Variants in CYS1 observed in about 807,000 individuals in gnomAD.
CYS1 encodes cystin-1.
In CYS1, 5 loss-of-function variants were observed where a neutral mutation model predicts 9.6. The observed-to-expected ratio is 0.52, with a 90% CI of 0.27 to 1.10. The LOEUF is 1.10. CYS1 is among the 50% of genes least tolerant of loss of function. CYS1 has a pLI of 0.11. For missense variants in CYS1, 221 were observed against 207.9 expected (o/e 1.06, Z -0.39); for synonymous variants, 88 against 95.7 (o/e 0.92, Z 0.47).
chr2:10,065,656 C>G (rs1250132912), intron 2 of CYS1, among the ~76,000 whole-genome samples: 1 of 152,202 alleles, frequency 6.6e-6, no homozygotes, highest in Non-Finnish European at 1.5e-5. Flanking sequence ...TTGGGCATGC[C>G]CTGGTCTGAT....
chr2:10,065,917 C>T lies in CYS1; in HGVS notation c.358G>A (p.Gly120Ser), dbSNP rs775934549. ...EQSTEGHPGSGNVSEAPGSGR... is the reference protein window; with the variant it reads ...EQSTEGHPGSSNVSEAPGSGR... The stretch of plus-strand genomic sequence containing the variant: ...CCTGGTACTTACTCAGAGACATTGC[C>T]GCTCCCCGGGTGGCCCTCTGTGCTC... The change falls in exon 2 of 3, where the codon GGC becomes AGC. Residue 120 changes from glycine (G) to serine (S), a missense_variant. Coordinates refer to ENST00000381813, the MANE Select transcript of CYS1 (RefSeq NM_001037160.3). 1.9e-5 allele frequency: 31 copies of T among 1,614,062 alleles called. 1 individual carries two copies. Among genetic ancestry groups the T allele is most frequent in the Admixed American group, 6.7e-5 (4 of 60,014 alleles).
At chr2:10,059,710 A>T (rs1572453096) in intron 2 of CYS1, among the ~76,000 whole-genome samples, 1 of 152,196 alleles carries the variant, frequency 6.6e-6, no homozygotes, top group Non-Finnish European at 1.5e-5. Context: ...AATAAATAAA[A>T]AATAAAAGGG....
chr2:10,079,966 G>C lies in CYS1; in HGVS notation c.258C>G (p.Pro86=). 3 of 1,111,416 alleles carry C rather than the reference G, an allele frequency of 2.7e-6. No individual in the cohort carries two copies. In the South Asian group the frequency reaches 1.3e-4, roughly 48 times the overall value. 68.8% of individuals were successfully genotyped at this position (1,111,416 alleles called of 1,614,324 possible). ...ELLAESAAWG[P]PEPAPRRPAR... ...CTGGGCGGCGCGGGGCGGGCTCCGGGGGGCCCCAGGCCGCCGACTCGGCCA... is the reference window on the plus strand; with the variant it reads ...CTGGGCGGCGCGGGGCGGGCTCCGGCGGGCCCCAGGCCGCCGACTCGGCCA... Residue 86 remains proline, a synonymous_variant, in exon 1 of 3, where the codon CCC becomes CCG. Coordinates refer to ENST00000381813, the MANE Select transcript of CYS1 (RefSeq NM_001037160.3).
At position 10,058,907 on chromosome 2, in the gene CYS1, G is replaced by A; in HGVS notation, c.423C>T (p.Tyr141=). 3.8e-6 allele frequency: 6 copies of A among 1,595,956 alleles called. No individual in the cohort carries two copies. The highest frequency in any genetic ancestry group is 1.7e-4 in the Middle Eastern group (1 of 6,008). The change falls in exon 3 of 3, where the codon TAC becomes TAT. Residue 141 remains tyrosine (Y), a synonymous_variant. Transcript: ENST00000381813. ...KKPERPAAIS[Y]DHSEEGLMAS... ...CCATCAGCCCCTCTTCCGAGTGGTCGTAGGAGATGGCTGCCGGCCTCTCGG... is the reference window on the plus strand; with the variant it reads ...CCATCAGCCCCTCTTCCGAGTGGTCATAGGAGATGGCTGCCGGCCTCTCGG...
At chr2:10,065,073 C>T (rs1319991076) in intron 2 of CYS1, among the ~76,000 whole-genome samples, 1 of 152,106 alleles carries the variant, frequency 6.6e-6, no homozygotes, top group East Asian at 1.9e-4. Context: ...CAGTTCTGAC[C>T]TCCCCTGGAG....
Position 10,065,277 on chromosome 2 carries a change from T to C in CYS1, c.371+627A>G, listed in dbSNP as rs570366950. Among the ~76,000 whole-genome samples, 3 of 152,310 alleles carry C rather than the reference T, an allele frequency of 2.0e-5. No homozygotes were observed. The East Asian group carries it at 5.8e-4, about 29-fold the overall frequency. On this transcript the variant is annotated intron_variant, in intron 2 of 2. Transcript: ENST00000381813. ...GACAATGGCTAACATTTCCAAACTT[T>C]TTCACTCCCACAATCTTACCTGACA...
rs1167566437 is a variant in CYS1, at chr2:10,063,595, C to T, written c.371+2309G>A. ...CACCCTGAAACACCATTGGAAGGAC[C>T]CTGCCTGGGAGGGTGAGGGTGACAC... On this transcript the variant is annotated intron_variant, in intron 2 of 2. Coordinates refer to ENST00000381813, the MANE Select transcript of CYS1 (RefSeq NM_001037160.3). The surrounding 1 kb of genome is among the most constrained non-coding windows in gnomAD (Gnocchi z 4.2). Among the ~76,000 whole-genome samples, 2 of 152,244 alleles carry T rather than the reference C, an allele frequency of 1.3e-5. No homozygotes were observed. Among genetic ancestry groups the T allele is most frequent in the Non-Finnish European group, 2.9e-5 (2 of 68,024 alleles).
chr2:10,072,346 G>T (rs1017247092), intron 1 of CYS1, among the ~76,000 whole-genome samples: 4 of 152,226 alleles, frequency 2.6e-5, no homozygotes, highest in Non-Finnish European at 5.9e-5. Flanking sequence ...GCCTCCCAAA[G>T]TGCTGGGATT....
intron 1 of CYS1, among the ~76,000 whole-genome samples, chr2:10,073,283 G>C (rs530942903): frequency 5.3e-5 from 8 of 151,654 alleles, no homozygotes; most frequent in African/African-American, 1.9e-4. Context: ...CCTTGAAGGA[G>C]GTGTTTCCAA....
At chr2:10,079,263 G>A (rs1249601896) in intron 1 of CYS1, among the ~76,000 whole-genome samples, 2 of 151,970 alleles carry the variant, frequency 1.3e-5, no homozygotes, top group Non-Finnish European at 2.9e-5. Flanking sequence ...AAAGCCTCCC[G>A]GGCCTCAGGG....
Position 10,073,896 on chromosome 2 carries a change from C to T in CYS1, c.318+6010G>A, listed in dbSNP as rs550853007. Among the ~76,000 whole-genome samples, 87 of 152,316 alleles carry T rather than the reference C, an allele frequency of 5.7e-4. 1 individual carries two copies. Among genetic ancestry groups the T allele is most frequent in the African/African-American group, 1.9e-3 (80 of 41,572 alleles). ...TGAGGCTGTACCCCTGACCGTGATG[C>T]AACCAGGCTTCTAATCACCTACAGC... On this transcript the variant is annotated intron_variant, in intron 1 of 2. Coordinates refer to ENST00000381813, the MANE Select transcript of CYS1 (RefSeq NM_001037160.3).
At chr2:10,059,382 G>A (rs144894432) in intron 2 of CYS1, among the ~76,000 whole-genome samples, 2 of 152,222 alleles carry the variant, frequency 1.3e-5, no homozygotes, top group African/African-American at 2.4e-5. Context: ...ATGTGGAATC[G>A]AGCACACCAC....
At chr2:10,071,377 G>A (rs980492510) in intron 1 of CYS1, among the ~76,000 whole-genome samples, 5 of 152,182 alleles carry the variant, frequency 3.3e-5, no homozygotes, top group Non-Finnish European at 7.3e-5. Flanking sequence ...GGACCCTTGC[G>A]GCAGGGGGCT....
intron 1 of CYS1, among the ~76,000 whole-genome samples, chr2:10,073,223 C>A (rs918257670): frequency 5.1e-4 from 59 of 116,664 alleles, no homozygotes; most frequent in African/African-American, 1.1e-3. Context: ...CCCCCCCCCC[C>A]CCGGCTGTGG....
intron 1 of CYS1, among the ~76,000 whole-genome samples, chr2:10,072,634 T>C (rs993663079): frequency 3.9e-5 from 6 of 152,240 alleles, no homozygotes; most frequent in Non-Finnish European, 7.3e-5. Context: ...TTTGGTTTGT[T>C]TGGCTTTTCG....
intron 2 of CYS1, among the ~76,000 whole-genome samples, chr2:10,061,603 C>T (rs1402864046): frequency 2.0e-5 from 3 of 152,218 alleles, no homozygotes; most frequent in African/African-American, 7.2e-5. Context: ...CGTCCTGTCT[C>T]ACTCAGCACC....
In CYS1 at chr2:10,056,695, GGGCTGCA is replaced by G. The variant is rs952489756; in HGVS notation, c.*2151_*2157del. The G allele has an allele frequency of 6.6e-6, 1 of 152,272 alleles. No homozygotes were observed. The highest frequency in any genetic ancestry group is 1.5e-5 in the Non-Finnish European group (1 of 68,062). 9.4% of individuals were successfully genotyped at this position (152,272 alleles called of 1,614,324 possible). On this transcript the variant is annotated 3_prime_UTR_variant, in exon 3 of 3. Coordinates refer to ENST00000381813, the MANE Select transcript of CYS1 (RefSeq NM_001037160.3). ...GGAGGCACTGGGACAGACTCGGGCC[GGGCTGCA>G]GGCTGCAGCAACGCCCACCCCTCTA...
intron 1 of CYS1, among the ~76,000 whole-genome samples, chr2:10,072,961 T>A (rs1199158773): frequency 7.0e-6 from 1 of 143,048 alleles, no homozygotes; most frequent in African/African-American, 2.6e-5. Flanking sequence ...GGGGGAGCAG[T>A]GCAGATGTGT....
At chr2:10,079,664 G>A (rs890409268) in intron 1 of CYS1, among the ~76,000 whole-genome samples, 5 of 151,850 alleles carry the variant, frequency 3.3e-5, no homozygotes, top group Admixed American at 3.3e-4. Context: ...TCCGCCTAGG[G>A]GTGTCCTTCC....
Sources: gnomAD v4.1 joint callset for allele counts (sites outside exome capture counted in the v4.1 genomes callset) on GRCh38, gnomAD v4.1.1 for gene constraint, Gnocchi (gnomAD v3.1) non-coding constraint, MANE v1.5 for transcripts, NCBI Gene and HGNC (gene_info 2026-07-23, HGNC 2026-07-21) for gene names.